Variants in PAQR5 observed in about 807,000 individuals in gnomAD.
PAQR5 encodes membrane progestin receptor gamma.
Under a neutral mutation model 34.5 loss-of-function variants are expected in PAQR5, and 20 were observed. That is an observed-to-expected ratio of 0.58 (90% CI 0.41 to 0.84). The LOEUF (loss-of-function observed/expected upper bound fraction) is 0.84. Ranked by LOEUF, PAQR5 falls within the 40% of genes least tolerant of loss-of-function variation. The pLI is 0.00. For missense variants in PAQR5, 378 were observed against 412.7 expected (o/e 0.92, Z 0.73); for synonymous variants, 131 against 155.6 (o/e 0.84, Z 1.18).
At chr15:69,325,459 A>G (rs2054228298) in intron 1 of PAQR5, among the ~76,000 whole-genome samples, 1 of 103,382 alleles carries the variant, frequency 9.7e-6, no homozygotes, top group South Asian at 2.8e-4. Context: ...CCGCGTGGCA[A>G]TTGTTAGTGC....
At chr15:69,395,998 C>G (rs1311681051) in intron 6 of PAQR5, among the ~76,000 whole-genome samples, 1 of 151,770 alleles carries the variant, frequency 6.6e-6, no homozygotes, top group Non-Finnish European at 1.5e-5. Flanking sequence ...CATTTGTGCT[C>G]GGTTGCCCTG....
Position 69,385,498 on chromosome 15 carries a change from A to G in PAQR5, c.385+616A>G, listed in dbSNP as rs943124485. Among the ~76,000 whole-genome samples the G allele has an allele frequency of 6.6e-6, 1 of 152,096 alleles. No individual in the cohort carries two copies. The highest frequency in any genetic ancestry group is 6.5e-5 in the Admixed American group (1 of 15,274). The stretch of plus-strand genomic sequence containing the variant: ...CAGAGTGTGCGGGAATAGATCAGCA[A>G]CCTAAGCTGGTGAAATTCGGTGCTG... On this transcript the variant is annotated intron_variant, in intron 5 of 8. Transcript: ENST00000395407. This position sits in a 1 kb window ranked among gnomAD's most constrained non-coding sequence, Gnocchi z 4.7.
chr15:69,363,083 T>C (rs1249025681), intron 3 of PAQR5, among the ~76,000 whole-genome samples: 1 of 152,220 alleles, frequency 6.6e-6, no homozygotes, highest in African/African-American at 2.4e-5. Flanking sequence ...CAAGCTGCTC[T>C]GTACAGCTGC....
At chr15:69,317,117 T>C (rs2047824) in intron 1 of PAQR5, among the ~76,000 whole-genome samples, 62,320 of 152,086 alleles carry the variant, frequency 0.41, 13,058 homozygotes, top group African/African-American at 0.52. Context: ...CTGCACCCAG[T>C]CCACAAGGGG....
intron 1 of PAQR5, among the ~76,000 whole-genome samples, chr15:69,307,426 G>T (rs2053742759): frequency 6.6e-6 from 1 of 152,146 alleles, no homozygotes; most frequent in African/African-American, 2.4e-5. Flanking sequence ...TAGGTTTTAA[G>T]GATGAGCGTG....
intron 7 of PAQR5, 97 bp from the exon 8 acceptor site, chr15:69,399,877 C>A: frequency 7.8e-7 from 1 of 1,279,122 alleles, no homozygotes; most frequent in Non-Finnish European, 1.1e-6. Flanking sequence ...GTGTGGGTGT[C>A]AGAGCCCCCA....
chr15:69,382,696 ATATATATATGTATGTATG>A (rs2055928449), intron 4 of PAQR5, among the ~76,000 whole-genome samples: 1 of 92,218 alleles, frequency 1.1e-5, no homozygotes, highest in African/African-American at 3.9e-5. Flanking sequence ...ATATATATAT[ATATATATATGTATGTATG>A]TATATATGTA....
intron 4 of PAQR5, among the ~76,000 whole-genome samples, chr15:69,380,979 G>A (rs911911253): frequency 5.9e-5 from 9 of 152,148 alleles, no homozygotes; most frequent in South Asian, 4.1e-4. Flanking sequence ...TGACAGACCC[G>A]GGGCCAAAAT....
Position 69,405,543 on chromosome 15 carries a change from CATT to C in PAQR5, c.*1726_*1728del, listed in dbSNP as rs1257531761. On this transcript the variant is annotated 3_prime_UTR_variant, in exon 9 of 9. Coordinates refer to ENST00000395407, the MANE Select transcript of PAQR5 (RefSeq NM_017705.4). Reference sequence around the variant, plus strand: ...ATTTGTTTTTCTGGCAACAATCTGACATTATTAGTGGAATTCCACACCAACAGG... The same window carrying C: ...ATTTGTTTTTCTGGCAACAATCTGACATTAGTGGAATTCCACACCAACAGG... 1 of 152,180 alleles carries C rather than the reference CATT, an allele frequency of 6.6e-6. No homozygotes were observed. The highest frequency in any genetic ancestry group is 2.4e-5 in the African/African-American group (1 of 41,422). The allele number at this position is 152,180 out of a possible 1,614,324, so 9.4% of individuals were successfully genotyped here. A position where few individuals can be genotyped will look rare whatever the true frequency, so the allele number is the denominator to read the frequency against.
chr15:69,360,353 G>A (rs1395991878), intron 3 of PAQR5, among the ~76,000 whole-genome samples: 2 of 152,184 alleles, frequency 1.3e-5, no homozygotes, highest in Non-Finnish European at 2.9e-5. Flanking sequence ...ACCCTTCCTT[G>A]CAACATCTGT....
At chr15:69,381,753 T>A (rs1490152429) in intron 4 of PAQR5, among the ~76,000 whole-genome samples, 1 of 152,196 alleles carries the variant, frequency 6.6e-6, no homozygotes, top group African/African-American at 2.4e-5. Flanking sequence ...TTGAAATAAC[T>A]GAAGGATACA....
At chr15:69,303,773 C>A (rs541779434) in intron 1 of PAQR5, among the ~76,000 whole-genome samples, 9 of 152,322 alleles carry the variant, frequency 5.9e-5, no homozygotes, top group African/African-American at 2.2e-4. Context: ...TGAGGCCTCA[C>A]TTGGGAATCT....
chr15:69,303,757 G>A (rs1312339024), intron 1 of PAQR5, among the ~76,000 whole-genome samples: 7 of 152,174 alleles, frequency 4.6e-5, no homozygotes, highest in African/African-American at 1.7e-4. Context: ...GGAAGCCTTG[G>A]GGTTCTGAGG....
chr15:69,305,735 G>T (rs1351615702), intron 1 of PAQR5, among the ~76,000 whole-genome samples: 1 of 148,308 alleles, frequency 6.7e-6, no homozygotes, highest in Non-Finnish European at 1.5e-5. Flanking sequence ...TGGAGTGTGG[G>T]TGTTGTTAGA....
At chr15:69,333,057 T>C (rs2054423158) in intron 1 of PAQR5, among the ~76,000 whole-genome samples, 1 of 152,202 alleles carries the variant, frequency 6.6e-6, no homozygotes, top group Admixed American at 6.5e-5. Context: ...CCTTTATGTT[T>C]TCCTCTTTTT....
chr15:69,393,526 T>C (rs2056328180), intron 6 of PAQR5, among the ~76,000 whole-genome samples: 1 of 152,178 alleles, frequency 6.6e-6, no homozygotes, highest in African/African-American at 2.4e-5. Context: ...CTCTCTGGTT[T>C]GGGCATCGTG....
intron 3 of PAQR5, among the ~76,000 whole-genome samples, chr15:69,364,116 A>T (rs1161472232): frequency 6.6e-6 from 1 of 152,162 alleles, no homozygotes; most frequent in African/African-American, 2.4e-5. Context: ...TGAAGATCCA[A>T]TAAAAATGAA....
rs575183282 is a variant in PAQR5, at chr15:69,324,644, T to C, written c.-276-12697T>C. 1.1e-4 allele frequency among the ~76,000 whole-genome samples: 17 copies of C among 152,244 alleles called. 1 individual carries two copies. Among genetic ancestry groups the C allele is most frequent in the Admixed American group, 5.9e-4 (9 of 15,280 alleles). ...TGAGGCTCAGGTTCTCTTTTCCCAG[T>C]CCCACTAGAGCATTCATTCCCACCC... is the stretch of plus-strand genomic sequence containing the variant. On this transcript the variant is annotated intron_variant, in intron 1 of 8. Coordinates refer to ENST00000395407, the MANE Select transcript of PAQR5 (RefSeq NM_017705.4).
Position 69,354,954 on chromosome 15 carries a change from G to A in PAQR5, c.-115-5012G>A, listed in dbSNP as rs2055017405. ...AGGCTTTCTGGCCCTTGGACTCTAG[G>A]ACTTGCACCTCCACCCCGCAGAGTT... On this transcript the variant is annotated intron_variant, in intron 2 of 8. Transcript: ENST00000395407. Among the ~76,000 whole-genome samples, 3 of 152,132 alleles carry A rather than the reference G, an allele frequency of 2.0e-5. No individual in the cohort carries two copies. The South Asian group carries it at 6.2e-4, about 32-fold the overall frequency.
Sources: allele counts gnomAD v4.1 joint callset (sites outside exome capture counted in the v4.1 genomes callset), GRCh38; gene constraint gnomAD v4.1.1; non-coding constraint Gnocchi (gnomAD v3.1); transcripts MANE v1.5; gene names NCBI Gene and HGNC (gene_info 2026-07-23, HGNC 2026-07-21).